TF: variants seen among roughly 807,000 people sequenced by gnomAD.
TF encodes the protein serotransferrin.
A neutral mutation model predicts 82.4 loss-of-function variants in TF; 55 were observed. That is an observed-to-expected ratio of 0.67 (90% CI 0.54 to 0.84). The LOEUF is 0.84. Ranked by LOEUF, TF falls within the 40% of genes least tolerant of loss-of-function variation. The pLI is 0.00. For synonymous variants in TF, 332 were observed against 332.6 expected (o/e 1.00, Z 0.02); for missense variants, 737 against 868.4 (o/e 0.85, Z 1.90).
the TF span, among the ~76,000 whole-genome samples, chr3:133,666,475 A>G: frequency 6.6e-6 from 1 of 152,156 alleles, no homozygotes; most frequent in Non-Finnish European, 1.5e-5. Context: ...CCGGCCTTGA[A>G]TGTACAATTT....
rs1348375069 is a variant in TF, at chr3:133,779,451, T to G, written c.*831T>G. On this transcript the variant is annotated 3_prime_UTR_variant, in exon 17 of 17. Coordinates refer to ENST00000402696, the MANE Select transcript of TF (RefSeq NM_001063.4). Reference sequence around the variant, plus strand: ...CAGGTCTTCCATTCCTGAGCCCATTTCCTGCAGTTGATAAAGTTGACCACT... The same window carrying G: ...CAGGTCTTCCATTCCTGAGCCCATTGCCTGCAGTTGATAAAGTTGACCACT... 2.0e-5 allele frequency: 3 copies of G among 152,270 alleles called. No homozygotes were observed. Among genetic ancestry groups the G allele is most frequent in the African/African-American group, 4.8e-5 (2 of 41,454 alleles). 9.4% of individuals were successfully genotyped at this position (152,270 alleles called of 1,614,324 possible).
At chr3:133,766,158 C>T (rs1232827347) in intron 11 of TF, 120 bp from the exon 12 acceptor site, 1 of 978,082 alleles carries the variant, frequency 1.0e-6, no homozygotes, top group African/African-American at 1.6e-5. Flanking sequence ...TGGGAAGATC[C>T]TCTCAAGACA....
the TF span, among the ~76,000 whole-genome samples, chr3:133,726,265 C>T: frequency 1.1e-3 from 162 of 152,208 alleles, 3 homozygotes; most frequent in Non-Finnish European, 1.0e-3. Flanking sequence ...TGGTAGAATT[C>T]GGCTGTGAAT....
the TF span, among the ~76,000 whole-genome samples, chr3:133,685,049 C>T: frequency 9.5e-3 from 1,441 of 152,240 alleles, 18 homozygotes; most frequent in African/African-American, 0.032. Flanking sequence ...GCTGGTTCAA[C>T]GTATGCAAAT....
Position 133,756,844 on chromosome 3 carries a change from C to G in TF, c.705C>G (p.Asn235Lys), listed in dbSNP as rs143371577. ...KHSTIFENLANKADRDQYELL... is the reference protein window; with the variant it reads ...KHSTIFENLAKKADRDQYELL... The stretch of plus-strand genomic sequence containing the variant: ...TTCCCTCCCCAGAGAACTTGGCAAA[C>G]AAGGCTGACAGGGACCAGTATGAGC... Residue 235 changes from asparagine (N) to lysine (K), a missense_variant, in exon 7 of 17, where the codon AAC becomes AAG. Asn to Lys is a moderately conservative substitution (Grantham distance 94). Transcript: ENST00000402696. 1 of 1,614,084 alleles carries G rather than the reference C, an allele frequency of 6.2e-7. No individual in the cohort carries two copies. The highest frequency in any genetic ancestry group is 1.3e-5 in the African/African-American group (1 of 74,924).
rs1934848438 is a variant in TF at position 133,791,893 on chromosome 3, T to A, written c.*13273T>A. Reference sequence around the variant, plus strand: ...TAATTAGCTTAATAATAATAAGAGCTTAAATCAAATATTTTATCAGAAAAG... The same window carrying A: ...TAATTAGCTTAATAATAATAAGAGCATAAATCAAATATTTTATCAGAAAAG... On this transcript the variant is annotated 3_prime_UTR_variant, in exon 17 of 17. Transcript: ENST00000402696. The A allele has an allele frequency of 6.6e-6, 1 of 152,248 alleles. No homozygotes were observed. Among genetic ancestry groups the A allele is most frequent in the African/African-American group, 2.4e-5 (1 of 41,472 alleles). The allele number at this position is 152,248 out of a possible 1,614,324, so 9.4% of individuals were successfully genotyped here.
At chr3:133,689,296 C>G in the TF span, among the ~76,000 whole-genome samples, 2 of 151,882 alleles carry the variant, frequency 1.3e-5, no homozygotes, top group African/African-American at 2.4e-5. Context: ...TACACTCCAG[C>G]CTGGGCAACG....
rs1418843080 is a variant in TF, at chr3:133,784,468, AAAAAATAATAATAAT to A, written c.*5851_*5865del. 7.2e-5 allele frequency: 6 copies of A among 83,622 alleles called. No individual in the cohort carries two copies. The highest frequency in any genetic ancestry group is 1.3e-4 in the Non-Finnish European group (5 of 38,738). The allele number at this position is 83,622 out of a possible 1,614,324, so 5.2% of individuals were successfully genotyped here. A position where few individuals can be genotyped will look rare whatever the true frequency, so the allele number is the denominator to read the frequency against. ...ACATCTTGTAAATTCCCATTTGTTA[AAAAAATAATAATAAT>A]AATAATAATAATAATAATAATAATA... On this transcript the variant is annotated 3_prime_UTR_variant, in exon 17 of 17. Transcript: ENST00000402696.
the TF span, among the ~76,000 whole-genome samples, chr3:133,732,592 T>G: frequency 6.6e-6 from 1 of 152,228 alleles, no homozygotes; most frequent in African/African-American, 2.4e-5. Flanking sequence ...GCGCACTGTT[T>G]GGGTCCACAC....
At position 133,748,408 on chromosome 3, in the gene TF, C is replaced by G. The variant is rs201126253; in HGVS notation, c.44-4C>G. ...CCCTTCCACCTCTGGCCTCTCTCCC[C>G]CAGGGCTGTGTCTGGCTGTCCCTGA... On this transcript the variant is annotated splice_region_variant and splice_polypyrimidine_tract_variant and intron_variant, in intron 1 of 16. Coordinates refer to ENST00000402696, the MANE Select transcript of TF (RefSeq NM_001063.4). The G allele has an allele frequency of 2.2e-5, 35 of 1,613,948 alleles. No individual in the cohort carries two copies. The highest frequency in any genetic ancestry group is 2.9e-5 in the Non-Finnish European group (34 of 1,180,020).
At chr3:133,768,896 G>C (rs141433603) in intron 13 of TF, among the ~76,000 whole-genome samples, 179 of 147,656 alleles carry the variant, frequency 1.2e-3, no homozygotes, top group African/African-American at 4.3e-3. Context: ...GAGCTCAAGC[G>C]ATCCTCCCAC....
At chr3:133,726,868 C>T in the TF span, among the ~76,000 whole-genome samples, 1 of 151,936 alleles carries the variant, frequency 6.6e-6, no homozygotes, top group Non-Finnish European at 1.5e-5. Context: ...TCTTTGTTCT[C>T]GTTGGTTTCA....
chr3:133,768,484 T>G (rs143417640), intron 13 of TF, among the ~76,000 whole-genome samples: 9 of 152,270 alleles, frequency 5.9e-5, no homozygotes, highest in African/African-American at 2.2e-4. Context: ...GGGGAGGAAG[T>G]GCTACTAGCA....
In TF at chr3:133,790,345, A is replaced by G. The variant is rs1934801307; in HGVS notation, c.*11725A>G. The G allele has an allele frequency of 6.6e-6, 1 of 152,212 alleles. No homozygotes were observed. Among genetic ancestry groups the G allele is most frequent in the Admixed American group, 6.5e-5 (1 of 15,282 alleles). 9.4% of individuals were successfully genotyped at this position (152,212 alleles called of 1,614,324 possible). ...ACTAAAGTTTTAGGTTACTAAGGAT[A>G]AGAATTCTAGTTAACACATAATTCT... On this transcript the variant is annotated 3_prime_UTR_variant, in exon 17 of 17. Coordinates refer to ENST00000402696, the MANE Select transcript of TF (RefSeq NM_001063.4).
the TF span, among the ~76,000 whole-genome samples, chr3:133,695,252 T>C: frequency 1.1e-4 from 16 of 146,876 alleles, no homozygotes; most frequent in Non-Finnish European, 4.5e-5. Flanking sequence ...GTTCTTTTTT[T>C]TTTTTTTTTT....
chr3:133,727,795 G>A, the TF span, among the ~76,000 whole-genome samples: 18 of 122,796 alleles, frequency 1.5e-4, no homozygotes, highest in South Asian at 3.4e-4. Context: ...AGCTGGTACC[G>A]GTTGTTCCTT....
Position 133,755,489 on chromosome 3 carries a change from C to G in TF, c.629C>G (p.Ala210Gly), listed in dbSNP as rs139893583. The G allele has an allele frequency of 2.5e-6, 4 of 1,613,954 alleles. No individual in the cohort carries two copies. In the African/African-American group the frequency reaches 5.3e-5, roughly 22 times the overall value. ...AACCAATACTTCGGCTACTCGGGAG[C>G]CTTCAAGTGAGTGAGATGTCTGCTG... is the stretch of plus-strand genomic sequence containing the variant. ...TLNQYFGYSGAFKCLKDGAGD... is the reference protein window; with the variant it reads ...TLNQYFGYSGGFKCLKDGAGD... The change falls in exon 5 of 17, where the codon GCC becomes GGC. Residue 210 changes from alanine (A) to glycine (G), a missense_variant. Physicochemically the swap from Ala to Gly is moderately conservative, Grantham distance 60. Transcript: ENST00000402696.
the TF span, among the ~76,000 whole-genome samples, chr3:133,691,019 T>A: frequency 2.4e-3 from 367 of 152,180 alleles, 1 homozygote; most frequent in African/African-American, 8.4e-3. Flanking sequence ...TACATACATA[T>A]ATATGAATAT....
At chr3:133,734,050 C>T in the TF span, among the ~76,000 whole-genome samples, 1 of 152,066 alleles carries the variant, frequency 6.6e-6, no homozygotes. Context: ...TTTCTCATGG[C>T]CAGAGAAGGG....
Sources: allele counts gnomAD v4.1 joint callset (sites outside exome capture counted in the v4.1 genomes callset), GRCh38; gene constraint gnomAD v4.1.1; transcripts MANE v1.5; gene names NCBI Gene and HGNC (gene_info 2026-07-23, HGNC 2026-07-21).